KDM4C: variants seen among roughly 807,000 people sequenced by gnomAD.
The protein encoded by KDM4C is lysine demethylase 4C.
KDM4C carries 81 observed loss-of-function variants against 129.3 expected under a neutral mutation model. The ratio of observed to expected loss-of-function variants is 0.63; its 90% CI spans 0.52 to 0.75. KDM4C has a LOEUF of 0.75. Among genes scored for constraint, KDM4C ranks in the 30% least tolerant of loss-of-function variants. The probability of loss-of-function intolerance (pLI) is 0.00; values close to 1 mark genes in which losing one functional copy is unlikely to be tolerated. For synonymous variants in KDM4C, 573 were observed against 456.1 expected (o/e 1.26, Z -3.26); for missense variants, 1,457 against 1,304.0 (o/e 1.12, Z -1.81).
intron 10 of KDM4C, among the ~76,000 whole-genome samples, chr9:6,985,981 G>A (rs1392253053): frequency 6.6e-6 from 1 of 152,192 alleles, no homozygotes; most frequent in East Asian, 1.9e-4. Context: ...GTGAGCCACC[G>A]TGCCCGGCTC....
At chr9:6,930,182 A>G (rs1005897536) in intron 8 of KDM4C, among the ~76,000 whole-genome samples, 1 of 152,320 alleles carries the variant, frequency 6.6e-6, no homozygotes, top group East Asian at 1.9e-4. Context: ...AAGATCTACT[A>G]GAGGTCAGAT....
At chr9:6,793,633 G>A (rs1160383285) in intron 2 of KDM4C, among the ~76,000 whole-genome samples, 3 of 150,154 alleles carry the variant, frequency 2.0e-5, no homozygotes, top group African/African-American at 4.9e-5. Context: ...TCCACCTCCC[G>A]GGTTCCAGTG....
intron 3 of KDM4C, among the ~76,000 whole-genome samples, chr9:6,812,688 G>A (rs531247920): frequency 1.7e-4 from 26 of 152,172 alleles, no homozygotes; most frequent in Admixed American, 8.5e-4. Flanking sequence ...CTAACAGGCC[G>A]CGGACCCCTA....
At chr9:6,915,797 T>G (rs1322907291) in intron 8 of KDM4C, among the ~76,000 whole-genome samples, 4 of 152,096 alleles carry the variant, frequency 2.6e-5, no homozygotes, top group Middle Eastern at 3.2e-3. Context: ...CAGCTTCCTT[T>G]GGAAGCTGCC....
chr9:6,980,061 T>C (rs1816501500), intron 8 of KDM4C, among the ~76,000 whole-genome samples: 1 of 152,164 alleles, frequency 6.6e-6, no homozygotes, highest in South Asian at 2.1e-4. Flanking sequence ...TCTAAAGTCT[T>C]ATTGTGTCAA....
intron 8 of KDM4C, chr9:6,974,777 A>T (rs544344806): frequency 6.6e-6 from 1 of 152,308 alleles, no homozygotes; most frequent in African/African-American, 2.4e-5. Context: ...TTTATCATCC[A>T]TATAAACTGT....
rs182121965 is a variant in KDM4C, at chr9:7,131,335, G to T, written c.2781+3099G>T. On this transcript the variant is annotated intron_variant, in intron 19 of 21. Coordinates refer to ENST00000381309, the MANE Select transcript of KDM4C (RefSeq NM_015061.6). ...TTTGGTGATGAATGAGGCTTCCTCA[G>T]CTCACTATTGCTGACTCTATAGGGG... 6.5e-4 allele frequency among the ~76,000 whole-genome samples: 99 copies of T among 152,250 alleles called. 1 individual carries two copies. The East Asian group carries it at 0.015, about 23-fold the overall frequency.
intron 2 of KDM4C, among the ~76,000 whole-genome samples, chr9:6,797,715 G>A (rs1009099037): frequency 6.6e-6 from 1 of 152,162 alleles, no homozygotes; most frequent in Non-Finnish European, 1.5e-5. Context: ...TGCTCACAAG[G>A]TGAAGAAAGA....
chr9:6,727,274 A>T (rs1817162894), intron 1 of KDM4C: 1 of 151,412 alleles, frequency 6.6e-6, no homozygotes, highest in Non-Finnish European at 1.5e-5. Flanking sequence ...AACATGGAGA[A>T]ACCCCGTCTC....
intron 1 of KDM4C, among the ~76,000 whole-genome samples, chr9:6,746,899 G>GGGA (rs1011702643): frequency 2.0e-5 from 3 of 149,098 alleles, no homozygotes; most frequent in Non-Finnish European, 4.4e-5. Flanking sequence ...CCAGCTACTC[G>GGGA]GGAGGCTGAG....
chr9:7,138,510 G>T (rs1450314844), intron 19 of KDM4C, among the ~76,000 whole-genome samples: 1 of 152,142 alleles, frequency 6.6e-6, no homozygotes, highest in Non-Finnish European at 1.5e-5. Flanking sequence ...GGTGTGATCT[G>T]TGCCTGAAAA....
At chr9:6,748,749 A>G (rs756992692) in intron 1 of KDM4C, 2 of 1,483,320 alleles carry the variant, frequency 1.3e-6, no homozygotes, top group Non-Finnish European at 1.9e-6. Flanking sequence ...TCCTTTTAGC[A>G]TGATCCGACC....
chr9:7,015,861 G>A lies in KDM4C; in HGVS notation c.2191G>A (p.Gly731Ser). Residue 731 changes from glycine (G) to serine (S), a missense_variant, in exon 15 of 22, where the codon GGT becomes AGT. By Grantham distance (56) the Gly-to-Ser change is moderately conservative. Coordinates refer to ENST00000381309, the MANE Select transcript of KDM4C (RefSeq NM_015061.6). Reference protein sequence around the residue: ...CCVRVHASCYGIPSHEICDGW... With the variant: ...CCVRVHASCYSIPSHEICDGW... ...ATACTATTATTTTATAGGTTGTTAT[G>A]GTATTCCTTCTCATGAGATCTGTGA... 1 of 1,610,078 alleles carries A rather than the reference G, an allele frequency of 6.2e-7. No homozygotes were observed. Among genetic ancestry groups the A allele is most frequent in the Non-Finnish European group, 8.5e-7 (1 of 1,176,634 alleles).
chr9:7,150,735 G>T (rs1388725193), intron 19 of KDM4C, among the ~76,000 whole-genome samples: 3 of 152,162 alleles, frequency 2.0e-5, no homozygotes, highest in African/African-American at 7.2e-5. Flanking sequence ...CCTGTTTCTA[G>T]TTATTGGCGT....
At chr9:7,040,982 C>G (rs1291612086) in intron 15 of KDM4C, among the ~76,000 whole-genome samples, 1 of 149,992 alleles carries the variant, frequency 6.7e-6, no homozygotes, top group Non-Finnish European at 1.5e-5. Flanking sequence ...CCCCTTTTCT[C>G]TTTTTTCACC....
At chr9:6,922,065 G>T (rs1337538849) in intron 8 of KDM4C, among the ~76,000 whole-genome samples, 4 of 152,158 alleles carry the variant, frequency 2.6e-5, no homozygotes, top group African/African-American at 9.7e-5. Context: ...TGTATGCCCA[G>T]TGCCTAGCAC....
intron 12 of KDM4C, among the ~76,000 whole-genome samples, chr9:6,998,816 C>G (rs1820241592): frequency 6.6e-6 from 1 of 152,060 alleles, no homozygotes; most frequent in East Asian, 1.9e-4. Context: ...AACCAACCAA[C>G]AAACAAACAA....
intron 12 of KDM4C, among the ~76,000 whole-genome samples, chr9:7,007,098 T>TAGGC (rs1479926370): frequency 6.6e-6 from 1 of 152,244 alleles, no homozygotes; most frequent in African/African-American, 2.4e-5. Flanking sequence ...AGTGTTTGTT[T>TAGGC]AGGCGCTAGC....
intron 19 of KDM4C, among the ~76,000 whole-genome samples, chr9:7,132,557 G>A (rs1486238136): frequency 6.6e-6 from 1 of 152,170 alleles, no homozygotes; most frequent in African/African-American, 2.4e-5. Flanking sequence ...TAGCTGTCAA[G>A]GGAAGTAATA....
Sources: gnomAD v4.1 joint callset for allele counts (sites outside exome capture counted in the v4.1 genomes callset) on GRCh38, gnomAD v4.1.1 for gene constraint, MANE v1.5 for transcripts, NCBI Gene and HGNC (gene_info 2026-07-23, HGNC 2026-07-21) for gene names.